MATN3: variants seen among roughly 807,000 people sequenced by gnomAD.
The protein encoded by MATN3 is matrilin-3.
In MATN3, 48 loss-of-function variants were observed where a neutral mutation model predicts 45.3. The ratio of observed to expected loss-of-function variants is 1.06; its 90% CI spans 0.84 to 1.35. The LOEUF is 1.35. Ranked by LOEUF, MATN3 falls within the 40% of genes most tolerant of loss-of-function variation. The probability of loss-of-function intolerance (pLI) is 0.00; values close to 1 mark genes in which losing one functional copy is unlikely to be tolerated. For synonymous variants in MATN3, 217 were observed against 245.9 expected (o/e 0.88, Z 1.10); for missense variants, 599 against 628.0 (o/e 0.95, Z 0.49).
At chr2:20,008,399 C>T (rs1445066886) in intron 1 of MATN3, among the ~76,000 whole-genome samples, 1 of 152,110 alleles carries the variant, frequency 6.6e-6, no homozygotes, top group Admixed American at 6.5e-5. Context: ...GTTGATGCTA[C>T]TCTAGGAAGG....
chr2:20,000,575 C>T lies in MATN3; in HGVS notation c.1043-9G>A, dbSNP rs766824925. 6.2e-7 allele frequency: 1 copy of T among 1,601,330 alleles called. No individual in the cohort carries two copies. The highest frequency in any genetic ancestry group is 2.2e-5 in the East Asian group (1 of 44,554). On this transcript the variant is annotated splice_polypyrimidine_tract_variant and intron_variant, in intron 4 of 7. Coordinates refer to ENST00000407540, the MANE Select transcript of MATN3 (RefSeq NM_002381.5). ...AGCACATTTATCTTGAGCTGTGAAA[C>T]AAAAAGTCAGGAGAAAAGAAATAGA...
chr2:20,008,950 C>A, intron 1 of MATN3, among the ~76,000 whole-genome samples: 1 of 152,060 alleles, frequency 6.6e-6, no homozygotes, highest in East Asian at 1.9e-4. Flanking sequence ...TAAACCCAGG[C>A]GCAGTGGCTC....
chr2:20,010,689 C>T (rs1673205317), intron 1 of MATN3, among the ~76,000 whole-genome samples: 1 of 152,194 alleles, frequency 6.6e-6, no homozygotes, highest in Non-Finnish European at 1.5e-5. Flanking sequence ...AATGCAGTCT[C>T]CCCTAGAGCC....
chr2:19,999,410 C>T (rs1672941474), intron 5 of MATN3: 1 of 152,588 alleles, frequency 6.6e-6, no homozygotes, highest in Non-Finnish European at 1.5e-5. Flanking sequence ...CACCACCAGC[C>T]CTTCGCAGAT....
At chr2:20,003,649 A>C (rs1673035890) in intron 2 of MATN3, among the ~76,000 whole-genome samples, 1 of 152,232 alleles carries the variant, frequency 6.6e-6, no homozygotes, top group South Asian at 2.1e-4. Context: ...AAATGGGAGA[A>C]CAATAAATGC....
At chr2:20,005,300 G>A (rs1454896776) in intron 2 of MATN3, among the ~76,000 whole-genome samples, 1 of 152,152 alleles carries the variant, frequency 6.6e-6, no homozygotes, top group African/African-American at 2.4e-5. Flanking sequence ...GCTTCTCCCT[G>A]TCTTCTGCAG....
intron 4 of MATN3, 39 bp downstream of exon 4, chr2:20,001,916 G>A: frequency 6.2e-7 from 1 of 1,600,050 alleles, no homozygotes; most frequent in South Asian, 1.1e-5. Flanking sequence ...GGTAGGCAGA[G>A]AGCTAAGTAG....
rs1672773528 is a variant in MATN3, at chr2:19,992,324, C to A, written c.*787G>T. 6.6e-6 allele frequency: 1 copy of A among 152,036 alleles called. No homozygotes were observed. Among genetic ancestry groups the A allele is most frequent in the South Asian group, 2.1e-4 (1 of 4,822 alleles). The allele number at this position is 152,036 out of a possible 1,614,324, so 9.4% of individuals were successfully genotyped here. A position where few individuals can be genotyped will look rare whatever the true frequency, so the allele number is the denominator to read the frequency against. On this transcript the variant is annotated 3_prime_UTR_variant, in exon 8 of 8. Transcript: ENST00000407540. ...GAGGCTGAGGCAGGTGGATCACTAA[C>A]ATTAAAAAGACAACATTAGATTTTG...
chr2:19,997,209 T>C lies in MATN3; in HGVS notation c.1219A>G (p.Ser407Gly), dbSNP rs762839923. 8.1e-6 allele frequency: 13 copies of C among 1,613,634 alleles called. No individual in the cohort carries two copies. The highest frequency in any genetic ancestry group is 1.1e-5 in the Non-Finnish European group (13 of 1,179,760). ...GSHGCQHICV[S>G]DGAASYHCDC... is the part of the protein sequence containing the mutation. ...CAGTGGTAGGATGCGGCCCCATCAC[T>C]CACACAAATGTGCTGGCAACCATGA... The change falls in exon 6 of 8, where the codon AGT (serine) becomes GGT (glycine). Residue 407 changes from serine to glycine, a missense_variant. Transcript: ENST00000407540.
At position 20,005,844 on chromosome 2, in the gene MATN3, G is replaced by A; in HGVS notation, c.690C>T (p.Leu230=). 6.2e-7 allele frequency: 1 copy of A among 1,610,516 alleles called. No individual in the cohort carries two copies. Among genetic ancestry groups the A allele is most frequent in the Non-Finnish European group, 8.5e-7 (1 of 1,178,324 alleles). ...CTAGGGGCTCACTGGCCATCATCTT[G>A]AGGGACGCCATGTCTGCCCGGTCCA... ...VGVDRADMAS[L]KMMASEPLEE... Residue 230 remains leucine (L), a synonymous_variant, in exon 2 of 8, where the codon CTC becomes CTT. Transcript: ENST00000407540.
chr2:20,008,618 G>C (rs1169571427), intron 1 of MATN3, among the ~76,000 whole-genome samples: 1 of 152,128 alleles, frequency 6.6e-6, no homozygotes, highest in Non-Finnish European at 1.5e-5. Context: ...TAACACTTTA[G>C]GAATCGCAAG....
In MATN3 at chr2:19,993,000, G is replaced by T; in HGVS notation, c.*111C>A. ...CCAGTAATATTCAAGCATTAATACA[G>T]ATAATGGCAAATTATTAGCAGGAAC... On this transcript the variant is annotated 3_prime_UTR_variant, in exon 8 of 8. Transcript: ENST00000407540. 1 of 845,100 alleles carries T rather than the reference G, an allele frequency of 1.2e-6. No individual in the cohort carries two copies. Among genetic ancestry groups the T allele is most frequent in the Non-Finnish European group, 2.0e-6 (1 of 498,634 alleles). 52.4% of individuals were successfully genotyped at this position (845,100 alleles called of 1,614,324 possible). A position where few individuals can be genotyped will look rare whatever the true frequency, so the allele number is the denominator to read the frequency against.
intron 5 of MATN3, among the ~76,000 whole-genome samples, chr2:19,998,767 G>GA (rs150173660): frequency 0.2 from 23,839 of 119,950 alleles, 2,190 homozygotes; most frequent in South Asian, 0.31. Flanking sequence ...AAAAAGAGAA[G>GA]AAAAAAAAAT....
chr2:20,002,909 C>G (rs1380434387), intron 3 of MATN3, among the ~76,000 whole-genome samples: 1 of 152,178 alleles, frequency 6.6e-6, no homozygotes, highest in African/African-American at 2.4e-5. Context: ...GCCTGGACCT[C>G]TTTCTTAGTA....
At position 19,992,832 on chromosome 2, in the gene MATN3, CACTA is replaced by C. The variant is rs1672784969; in HGVS notation, c.*275_*278del. Reference sequence around the variant, plus strand: ...ATGGCTCAATTAGTAGATAAAGAAACACTAAACTTTTCATTCTATTTCCTACCAA... The same window carrying C: ...ATGGCTCAATTAGTAGATAAAGAAACAACTTTTCATTCTATTTCCTACCAA... On this transcript the variant is annotated 3_prime_UTR_variant, in exon 8 of 8. Coordinates refer to ENST00000407540, the MANE Select transcript of MATN3 (RefSeq NM_002381.5). 1 of 366,548 alleles carries C rather than the reference CACTA, an allele frequency of 2.7e-6. No individual in the cohort carries two copies. The highest frequency in any genetic ancestry group is 4.9e-5 in the Admixed American group (1 of 20,460). The allele number at this position is 366,548 out of a possible 1,614,324, so 22.7% of individuals were successfully genotyped here. A position where few individuals can be genotyped will look rare whatever the true frequency, so the allele number is the denominator to read the frequency against.
chr2:20,005,708 T>G, intron 2 of MATN3, 36 bp downstream of exon 2: 3 of 1,450,262 alleles, frequency 2.1e-6, no homozygotes, highest in Non-Finnish European at 2.8e-6. Context: ...GAATATAACA[T>G]CCTTTCTAGT....
chr2:20,010,306 T>C (rs1168948174), intron 1 of MATN3, among the ~76,000 whole-genome samples: 1 of 152,208 alleles, frequency 6.6e-6, no homozygotes, highest in African/African-American at 2.4e-5. Flanking sequence ...TATGTTCTTA[T>C]AACTAAACGT....
In MATN3 at chr2:20,002,149, C is replaced by T. The variant is rs1672996731; in HGVS notation, c.917-69G>A. On this transcript the variant is annotated intron_variant, in intron 3 of 7. Transcript: ENST00000407540. ...TGGCAGAAATAATTGTGGGCCACGC[C>T]ACTTACAGTTATACACACACACACA... 10 of 1,156,082 alleles carry T rather than the reference C, an allele frequency of 8.6e-6. 1 individual carries two copies. 71.6% of individuals were successfully genotyped at this position (1,156,082 alleles called of 1,614,324 possible). A position where few individuals can be genotyped will look rare whatever the true frequency, so the allele number is the denominator to read the frequency against.
rs764075580 is a variant in MATN3 at position 20,000,516 on chromosome 2, T to TCG, written c.1092_1093insCG (p.Asn365ArgfsTer18). Reference sequence around the variant, plus strand: ...CAATGATGGGACCCTGTTCTGTCATTCACACAAATGTGCTGACACCCATGG... The same window carrying TCG: ...CAATGATGGGACCCTGTTCTGTCATTCGCACACAAATGTGCTGACACCCATGG... On this transcript the variant is annotated frameshift_variant, in exon 5 of 8. Transcript: ENST00000407540. LOFTEE classifies it high-confidence loss of function. 1 of 1,612,588 alleles carries TCG rather than the reference T, an allele frequency of 6.2e-7. No individual in the cohort carries two copies. Among genetic ancestry groups the TCG allele is most frequent in the South Asian group, 1.1e-5 (1 of 90,750 alleles).
Sources: allele counts gnomAD v4.1 joint callset (sites outside exome capture counted in the v4.1 genomes callset), GRCh38; gene constraint gnomAD v4.1.1; transcripts MANE v1.5; gene names NCBI Gene and HGNC (gene_info 2026-07-23, HGNC 2026-07-21).